The following BTBD7 variants were observed in gnomAD, a reference collection of about 807,000 sequenced individuals.
The protein encoded by BTBD7 is BTB/POZ domain-containing protein 7.
Under a neutral mutation model 99.9 loss-of-function variants are expected in BTBD7, and 38 were observed. The ratio of observed to expected loss-of-function variants is 0.38; its 90% CI spans 0.29 to 0.50. BTBD7 has a LOEUF of 0.50. Ranked by LOEUF, BTBD7 falls within the 20% of genes least tolerant of loss-of-function variation. The probability of loss-of-function intolerance (pLI) is 0.93; values close to 1 mark genes in which losing one functional copy is unlikely to be tolerated. For missense variants in BTBD7, 1,170 were observed against 1,394.6 expected, an observed-to-expected ratio of 0.84 and a Z score of 2.57; for synonymous variants, 520 against 511.4, an observed-to-expected ratio of 1.02 and a Z score of -0.23.
At chr14:93,244,890 T>A (rs999498476) in intron 10 of BTBD7, among the ~76,000 whole-genome samples, 14 of 129,436 alleles carry the variant, frequency 1.1e-4, no homozygotes, top group Admixed American at 1.8e-4. Flanking sequence ...ACAGTCTCCC[T>A]CTGTCATCCA....
intron 3 of BTBD7, among the ~76,000 whole-genome samples, chr14:93,272,556 C>A (rs1350280347): frequency 2.0e-5 from 3 of 152,172 alleles, no homozygotes; most frequent in Admixed American, 2.0e-4. Flanking sequence ...ATCTCATATA[C>A]CAATTACTGA....
intron 3 of BTBD7, chr14:93,288,453 T>C: frequency 1.4e-6 from 1 of 693,856 alleles, no homozygotes; most frequent in Non-Finnish European, 2.6e-6. Flanking sequence ...AATAGCATCC[T>C]GCTTATGTCT....
At chr14:93,309,973 T>C (rs956223074) in intron 1 of BTBD7, among the ~76,000 whole-genome samples, 40 of 152,002 alleles carry the variant, frequency 2.6e-4, no homozygotes, top group Non-Finnish European at 5.0e-4. Context: ...GTGTTTTTTT[T>C]TCCCCCTTTA....
chr14:93,312,953 A>G (rs2053155988), intron 1 of BTBD7, among the ~76,000 whole-genome samples: 1 of 152,220 alleles, frequency 6.6e-6, no homozygotes, highest in African/African-American at 2.4e-5. Flanking sequence ...GTTTGGCATG[A>G]CATATGGTAT....
At chr14:93,319,200 G>T (rs2053241931) in intron 1 of BTBD7, among the ~76,000 whole-genome samples, 1 of 152,194 alleles carries the variant, frequency 6.6e-6, no homozygotes, top group Admixed American at 6.5e-5. Context: ...ACAACAGAAT[G>T]AGACACTGTC....
chr14:93,313,756 A>G (rs796929315), intron 1 of BTBD7, among the ~76,000 whole-genome samples: 25 of 151,866 alleles, frequency 1.6e-4, no homozygotes, highest in African/African-American at 6.0e-4. Context: ...TAATTTGAGA[A>G]AGGGTCCTGC....
At chr14:93,264,427 T>C (rs937454032) in intron 3 of BTBD7, among the ~76,000 whole-genome samples, 2 of 152,216 alleles carry the variant, frequency 1.3e-5, no homozygotes, top group Admixed American at 6.5e-5. Context: ...CTGCCAGCTA[T>C]GCAGACATCC....
intron 9 of BTBD7, 64 bp downstream of exon 9, chr14:93,248,412 C>T: frequency 6.5e-7 from 1 of 1,546,136 alleles, no homozygotes; most frequent in Non-Finnish European, 8.8e-7. Context: ...GTCAGGATGC[C>T]CACAATACTG....
intron 3 of BTBD7, among the ~76,000 whole-genome samples, chr14:93,289,403 C>A (rs2052820150): frequency 6.6e-6 from 1 of 152,208 alleles, no homozygotes; most frequent in African/African-American, 2.4e-5. Context: ...TCCCTTCTTT[C>A]CAGAGTACTT....
chr14:93,330,491 T>C (rs1314806182), intron 1 of BTBD7, among the ~76,000 whole-genome samples: 1 of 152,220 alleles, frequency 6.6e-6, no homozygotes, highest in Non-Finnish European at 1.5e-5. Flanking sequence ...CATCTCTCTC[T>C]ACCCTGTATA....
intron 3 of BTBD7, among the ~76,000 whole-genome samples, chr14:93,280,596 A>ATGTTT (rs1471815071): frequency 2.3e-4 from 35 of 152,360 alleles, no homozygotes; most frequent in African/African-American, 8.2e-4. Context: ...TATGAGATAC[A>ATGTTT]TAAAAATGTT....
chr14:93,294,964 AT>A (rs2052907611), intron 2 of BTBD7, 27 bp from the exon 3 acceptor site: 1 of 1,508,818 alleles, frequency 6.6e-7, no homozygotes, highest in African/African-American at 1.4e-5. Context: ...ACAAATGAAA[AT>A]TTATTTTTTC....
Position 93,308,649 on chromosome 14 carries a change from A to G in BTBD7, c.-106-12492T>C, listed in dbSNP as rs149977686. On this transcript the variant is annotated intron_variant, in intron 1 of 10. Coordinates refer to ENST00000334746, the MANE Select transcript of BTBD7 (RefSeq NM_001002860.4). The stretch of plus-strand genomic sequence containing the variant: ...TGGGAAAACAAAATGTGGTGTATAC[A>G]TAGAGTAGATTATTCAGCCTTAAAA... Among the ~76,000 whole-genome samples the G allele has an allele frequency of 6.6e-5, 10 of 152,380 alleles. No homozygotes were observed. The East Asian group carries it at 1.7e-3, about 26-fold the overall frequency.
At chr14:93,250,835 T>G (rs1329870686) in intron 8 of BTBD7, among the ~76,000 whole-genome samples, 1 of 152,186 alleles carries the variant, frequency 6.6e-6, no homozygotes, top group African/African-American at 2.4e-5. Flanking sequence ...GCTTGGGAAA[T>G]TGGATCTCTA....
chr14:93,295,536 G>T (rs1342105613), intron 2 of BTBD7, among the ~76,000 whole-genome samples: 1 of 152,190 alleles, frequency 6.6e-6, no homozygotes, highest in African/African-American at 2.4e-5. Context: ...ATTTGTCATA[G>T]ATCTTAATCA....
intron 1 of BTBD7, among the ~76,000 whole-genome samples, chr14:93,315,043 T>A (rs1253493897): frequency 6.6e-6 from 1 of 152,202 alleles, no homozygotes; most frequent in Non-Finnish European, 1.5e-5. Context: ...ATTTTTCATA[T>A]AGACAACTCT....
At chr14:93,254,701 C>T (rs2052410291) in intron 6 of BTBD7, among the ~76,000 whole-genome samples, 1 of 152,118 alleles carries the variant, frequency 6.6e-6, no homozygotes, top group African/African-American at 2.4e-5. Flanking sequence ...TGACTGATGC[C>T]AGGAGAATCT....
chr14:93,297,146 T>C (rs908035740), intron 1 of BTBD7, among the ~76,000 whole-genome samples: 7 of 152,200 alleles, frequency 4.6e-5, no homozygotes, highest in Non-Finnish European at 8.8e-5. Flanking sequence ...TTAACAAATA[T>C]AGTGAAAAAC....
At position 93,268,797 on chromosome 14, in the gene BTBD7, C is replaced by T. The variant is rs541986549; in HGVS notation, c.1163-4804G>A. On this transcript the variant is annotated intron_variant, in intron 3 of 10. Coordinates refer to ENST00000334746, the MANE Select transcript of BTBD7 (RefSeq NM_001002860.4). ...TTTTTTGAGACAGATTTTGCTCAGC[C>T]GCCCAGGCTGGAGTGCAGCAGCACG... Among the ~76,000 whole-genome samples the T allele has an allele frequency of 1.8e-3, 274 of 149,312 alleles. 2 individuals carry two copies. The highest frequency in any genetic ancestry group is 5.3e-3 in the African/African-American group (214 of 40,384).
Sources: allele counts gnomAD v4.1 joint callset (sites outside exome capture counted in the v4.1 genomes callset), GRCh38; gene constraint gnomAD v4.1.1; transcripts MANE v1.5; gene names NCBI Gene and HGNC (gene_info 2026-07-23, HGNC 2026-07-21).